The following ARHGEF10L variants were observed in gnomAD, a reference collection of about 807,000 sequenced individuals.
ARHGEF10L encodes rho guanine nucleotide exchange factor 10-like protein.
In ARHGEF10L, 69 loss-of-function variants were observed where a neutral mutation model predicts 141.2. That is an observed-to-expected ratio of 0.49 (90% CI 0.40 to 0.60). The LOEUF is 0.60. Ranked by LOEUF, ARHGEF10L falls within the 20% of genes least tolerant of loss-of-function variation. The pLI is 0.00. For synonymous variants in ARHGEF10L, 711 were observed against 718.5 expected, an observed-to-expected ratio of 0.99 and a Z score of 0.17; for missense variants, 1,482 against 1,734.3, an observed-to-expected ratio of 0.85 and a Z score of 2.58.
At chr1:17,664,207 G>A (rs1473251022) in intron 25 of ARHGEF10L, among the ~76,000 whole-genome samples, 1 of 152,222 alleles carries the variant, frequency 6.6e-6, no homozygotes, top group Non-Finnish European at 1.5e-5. Context: ...GGGGGAAAGA[G>A]AATGGAGGGA....
intron 26 of ARHGEF10L, among the ~76,000 whole-genome samples, chr1:17,675,387 A>G (rs1370538083): frequency 6.6e-6 from 1 of 152,224 alleles, no homozygotes; most frequent in African/African-American, 2.4e-5. Context: ...CCCTCTGGCT[A>G]AGCACGGGCA....
chr1:17,675,681 A>AGG (rs2063616767), intron 26 of ARHGEF10L, among the ~76,000 whole-genome samples: 1 of 88,452 alleles, frequency 1.1e-5, no homozygotes, highest in African/African-American at 4.8e-5. Context: ...GTGGGTGCAC[A>AGG]TGTGGTACAG....
the ARHGEF10L span, among the ~76,000 whole-genome samples, chr1:17,524,358 C>T: frequency 2.3e-5 from 3 of 130,272 alleles, no homozygotes; most frequent in Non-Finnish European, 4.8e-5. Context: ...AATAAAACCC[C>T]GTCTCTACAC....
chr1:17,614,865 C>A (rs1248579343), intron 8 of ARHGEF10L, among the ~76,000 whole-genome samples: 1 of 152,142 alleles, frequency 6.6e-6, no homozygotes, highest in African/African-American at 2.4e-5. Context: ...TTTTCAGCAA[C>A]CCTTCCTTGC....
intron 16 of ARHGEF10L, 149 bp downstream of exon 16, chr1:17,632,615 T>G: frequency 9.1e-7 from 1 of 1,094,992 alleles, no homozygotes; most frequent in Non-Finnish European, 1.3e-6. Context: ...CCTCTTGCCC[T>G]GCTCTGCCAC....
rs1056926817 is a variant in ARHGEF10L, at chr1:17,654,207, G to A, written c.2395-429G>A. Among the ~76,000 whole-genome samples, 4 of 152,184 alleles carry A rather than the reference G, an allele frequency of 2.6e-5. No individual in the cohort carries two copies. Among genetic ancestry groups the A allele is most frequent in the South Asian group, 2.1e-4 (1 of 4,830 alleles). Reference sequence around the variant, plus strand: ...GCGGAAGGTGGTTACTGGTGACAGCGGTGACAGGCTGAGCCCTGGTTTCTG... The same window carrying A: ...GCGGAAGGTGGTTACTGGTGACAGCAGTGACAGGCTGAGCCCTGGTTTCTG... On this transcript the variant is annotated intron_variant, in intron 22 of 28. Transcript: ENST00000361221. This position sits in a 1 kb window ranked among gnomAD's most constrained non-coding sequence, Gnocchi z 4.3.
At chr1:17,528,115 C>T in the ARHGEF10L span, among the ~76,000 whole-genome samples, 16 of 152,242 alleles carry the variant, frequency 1.1e-4, no homozygotes, top group East Asian at 2.5e-3. Context: ...CTGCCTTGGT[C>T]TCCCAAAATG....
Position 17,656,680 on chromosome 1 carries a change from G to T in ARHGEF10L, c.2832G>T (p.Gly944=). The T allele has an allele frequency of 2.5e-6, 4 of 1,613,376 alleles. No homozygotes were observed. The highest frequency in any genetic ancestry group is 3.4e-6 in the Non-Finnish European group (4 of 1,179,970). The change falls in exon 25 of 29, where the codon GGG becomes GGT. Residue 944 remains glycine (G), a synonymous_variant. Transcript: ENST00000361221. This position sits in a 1 kb window ranked among gnomAD's most constrained non-coding sequence, Gnocchi z 4.9. ...ACCTGCTCGCTGGCCTGCAGGATGG[G>T]ACCCTTGCTGCTTACCCTCGGACCA... ...PFHLLAGLQD[G]TLAAYPRTSG...
At position 17,673,790 on chromosome 1, in the gene ARHGEF10L, A is replaced by G. The variant is rs1233126940; in HGVS notation, c.3009+9195A>G. On this transcript the variant is annotated intron_variant, in intron 26 of 28. Transcript: ENST00000361221. The surrounding 1 kb of genome is among the most constrained non-coding windows in gnomAD (Gnocchi z 4.1). ...TTTCCTTCCTGTAAAATGGGGGATAATTATAGAACCTGCCCCAGGACTAAG... is the reference window on the plus strand; with the variant it reads ...TTTCCTTCCTGTAAAATGGGGGATAGTTATAGAACCTGCCCCAGGACTAAG... Among the ~76,000 whole-genome samples the G allele has an allele frequency of 1.3e-5, 2 of 152,120 alleles. No homozygotes were observed. The highest frequency in any genetic ancestry group is 2.9e-5 in the Non-Finnish European group (2 of 68,024).
intron 20 of ARHGEF10L, 126 bp downstream of exon 20, chr1:17,638,815 A>T: frequency 7.1e-7 from 1 of 1,403,276 alleles, no homozygotes; most frequent in Admixed American, 2.3e-5. Flanking sequence ...GTGGATATGT[A>T]GGCATCGTGG....
chr1:17,546,688 G>A (rs1351224775), intron 1 of ARHGEF10L, among the ~76,000 whole-genome samples: 2 of 152,168 alleles, frequency 1.3e-5, no homozygotes, highest in Non-Finnish European at 2.9e-5. Context: ...TTAGTTCGGA[G>A]TTAATGTATG....
the ARHGEF10L span, among the ~76,000 whole-genome samples, chr1:17,515,289 C>G: frequency 8.4e-6 from 1 of 119,570 alleles, no homozygotes; most frequent in Non-Finnish European, 1.8e-5. Flanking sequence ...TTCTTTTTCT[C>G]TCTTTTTTTT....
chr1:17,685,583 G>A (rs1030151338), intron 26 of ARHGEF10L, among the ~76,000 whole-genome samples: 5 of 152,222 alleles, frequency 3.3e-5, no homozygotes, highest in Admixed American at 6.5e-5. Flanking sequence ...ACTATCTGAT[G>A]TAATCTTTCT....
At chr1:17,575,518 T>C (rs1303773516) in intron 1 of ARHGEF10L, among the ~76,000 whole-genome samples, 1 of 152,172 alleles carries the variant, frequency 6.6e-6, no homozygotes, top group Non-Finnish European at 1.5e-5. Context: ...TCAGGTGGCA[T>C]GGTCATGGGG....
chr1:17,572,872 G>A (rs557043325), intron 1 of ARHGEF10L, among the ~76,000 whole-genome samples: 1 of 152,104 alleles, frequency 6.6e-6, no homozygotes, highest in Non-Finnish European at 1.5e-5. Flanking sequence ...ATTCCCCAAA[G>A]GTTGTACCTC....
chr1:17,615,149 C>G lies in ARHGEF10L; in HGVS notation c.727-945C>G, dbSNP rs140728341. On this transcript the variant is annotated intron_variant, in intron 8 of 28. Transcript: ENST00000361221. The surrounding 1 kb of genome is among the most constrained non-coding windows in gnomAD (Gnocchi z 4.7). Reference sequence around the variant, plus strand: ...TCAAGTGCTCAATAGTCGCATGTGGCCCGTGGCTCCCATTTTGGACAGGGC... The same window carrying G: ...TCAAGTGCTCAATAGTCGCATGTGGGCCGTGGCTCCCATTTTGGACAGGGC... 3 of 152,224 alleles carry G rather than the reference C, an allele frequency of 2.0e-5. No individual in the cohort carries two copies. The highest frequency in any genetic ancestry group is 2.9e-5 in the Non-Finnish European group (2 of 68,046). The allele number at this position is 152,224 out of a possible 1,614,324, so 9.4% of individuals were successfully genotyped here. A position where few individuals can be genotyped will look rare whatever the true frequency, so the allele number is the denominator to read the frequency against.
intron 28 of ARHGEF10L, 103 bp downstream of exon 28, chr1:17,695,383 T>C: frequency 6.9e-7 from 1 of 1,442,534 alleles, no homozygotes; most frequent in Non-Finnish European, 9.1e-7. Context: ...GGTATAGGGA[T>C]GGGGTTCCAG....
At position 17,697,513 on chromosome 1, in the gene ARHGEF10L, G is replaced by A; in HGVS notation, c.*133G>A. The A allele has an allele frequency of 1.4e-5, 18 of 1,268,760 alleles. No individual in the cohort carries two copies. The highest frequency in any genetic ancestry group is 1.5e-5 in the Non-Finnish European group (14 of 931,112). The allele number at this position is 1,268,760 out of a possible 1,614,324, so 78.6% of individuals were successfully genotyped here. A position where few individuals can be genotyped will look rare whatever the true frequency, so the allele number is the denominator to read the frequency against. Reference sequence around the variant, plus strand: ...CAGAAACTACTTGGGCAGAGCAAAGGAAAACCTCTTGTTTTAAAAAAATTT... The same window carrying A: ...CAGAAACTACTTGGGCAGAGCAAAGAAAAACCTCTTGTTTTAAAAAAATTT... On this transcript the variant is annotated 3_prime_UTR_variant, in exon 29 of 29. Transcript: ENST00000361221. The surrounding 1 kb of genome is among the most constrained non-coding windows in gnomAD (Gnocchi z 4.8).
the ARHGEF10L span, among the ~76,000 whole-genome samples, chr1:17,516,575 C>T: frequency 1.3e-5 from 2 of 152,204 alleles, no homozygotes; most frequent in African/African-American, 4.8e-5. Context: ...CCCGGGTCAG[C>T]CTTCCCGGTG....
Sources: gnomAD v4.1 joint callset for allele counts (sites outside exome capture counted in the v4.1 genomes callset) on GRCh38, gnomAD v4.1.1 for gene constraint, Gnocchi (gnomAD v3.1) non-coding constraint, MANE v1.5 for transcripts, NCBI Gene and HGNC (gene_info 2026-07-23, HGNC 2026-07-21) for gene names.